Variants in RBFOX1 observed in about 807,000 individuals in gnomAD.
RBFOX1 encodes RNA binding protein fox-1 homolog 1.
A neutral mutation model predicts 57.7 loss-of-function variants in RBFOX1; 8 were observed. The observed-to-expected ratio is 0.14, with a 90% CI of 0.08 to 0.25. RBFOX1 has a LOEUF of 0.25. Ranked by LOEUF, RBFOX1 falls within the 10% of genes least tolerant of loss-of-function variation. The pLI is 1.00. For synonymous variants in RBFOX1, 326 were observed against 222.4 expected (o/e 1.47, Z -4.15); for missense variants, 611 against 548.5 (o/e 1.11, Z -1.14).
chr16:5,309,249 A>G (rs1368600781), intron 1 of RBFOX1, among the ~76,000 whole-genome samples: 1 of 152,194 alleles, frequency 6.6e-6, no homozygotes, highest in African/African-American at 2.4e-5. Flanking sequence ...CTTAGTGTTT[A>G]AAAGGTTTTT....
intron 2 of RBFOX1, among the ~76,000 whole-genome samples, chr16:5,556,631 T>G (rs2045687631): frequency 6.6e-6 from 1 of 152,228 alleles, no homozygotes; most frequent in African/African-American, 2.4e-5. Flanking sequence ...CTCTCCCTCT[T>G]GGGAGAACCA....
At chr16:7,379,472 G>C (rs537865463) in intron 4 of RBFOX1, among the ~76,000 whole-genome samples, 1 of 152,236 alleles carries the variant, frequency 6.6e-6, no homozygotes, top group East Asian at 1.9e-4. Flanking sequence ...AAGAAGAATG[G>C]CTTCTGCCAT....
At chr16:6,695,514 C>A (rs1375711510) in intron 3 of RBFOX1, among the ~76,000 whole-genome samples, 1 of 150,534 alleles carries the variant, frequency 6.6e-6, no homozygotes, top group Non-Finnish European at 1.5e-5. Flanking sequence ...AAACAAGTTT[C>A]TTTAAGATTT....
chr16:7,124,214 G>T (rs1256551255), intron 4 of RBFOX1, among the ~76,000 whole-genome samples: 3 of 152,246 alleles, frequency 2.0e-5, no homozygotes, highest in Non-Finnish European at 4.4e-5. Flanking sequence ...CAGGAGGACT[G>T]CTTGATCTCA....
At chr16:6,127,519 A>G (rs558226192) in intron 1 of RBFOX1, among the ~76,000 whole-genome samples, 53 of 152,238 alleles carry the variant, frequency 3.5e-4, no homozygotes, top group Non-Finnish European at 5.0e-4. Context: ...TGAATTCCGA[A>G]AGTGAGAATT....
intron 3 of RBFOX1, among the ~76,000 whole-genome samples, chr16:5,860,257 A>G (rs2151884835): frequency 6.6e-6 from 1 of 152,124 alleles, no homozygotes; most frequent in South Asian, 2.1e-4. Flanking sequence ...TAATTTTTGT[A>G]TTTTTAGCAG....
At chr16:6,631,879 A>G (rs62015542) in intron 2 of RBFOX1, among the ~76,000 whole-genome samples, 80,413 of 151,822 alleles carry the variant, frequency 0.53, 23,378 homozygotes, top group Middle Eastern at 0.73. Context: ...AGAAGCTGTA[A>G]GAAGGTCATT....
intron 3 of RBFOX1, among the ~76,000 whole-genome samples, chr16:6,747,392 G>A (rs536145860): frequency 1.1e-4 from 17 of 149,896 alleles, no homozygotes; most frequent in Non-Finnish European, 2.1e-4. Flanking sequence ...GGGCGACAGA[G>A]TGAGACTCAG....
At chr16:7,579,967 G>T in intron 6 of RBFOX1, 47 bp downstream of exon 6, 2 of 1,595,012 alleles carry the variant, frequency 1.3e-6, no homozygotes, top group South Asian at 1.1e-5. Context: ...GGGGGTTCCA[G>T]AGACCTCCCT....
chr16:6,652,527 C>T (rs945548913), intron 2 of RBFOX1, among the ~76,000 whole-genome samples: 2 of 151,930 alleles, frequency 1.3e-5, no homozygotes, highest in Non-Finnish European at 2.9e-5. Context: ...ATGTGAGGCA[C>T]CATGAGAAGG....
chr16:6,852,625 G>C (rs777790239), intron 3 of RBFOX1, among the ~76,000 whole-genome samples: 14 of 152,228 alleles, frequency 9.2e-5, no homozygotes, highest in Non-Finnish European at 1.9e-4. Flanking sequence ...CTGGGAACTA[G>C]CTGTCTGGGA....
intron 4 of RBFOX1, among the ~76,000 whole-genome samples, chr16:7,244,828 G>C (rs910162306): frequency 6.6e-6 from 1 of 152,150 alleles, no homozygotes; most frequent in African/African-American, 2.4e-5. Context: ...TTGTTTCCTT[G>C]TTCCCACTTC....
intron 4 of RBFOX1, among the ~76,000 whole-genome samples, chr16:7,163,420 G>A (rs1002955609): frequency 6.6e-6 from 1 of 152,078 alleles, no homozygotes; most frequent in East Asian, 1.9e-4. Flanking sequence ...GTATGAAGCG[G>A]CTGGTCTGGT....
At chr16:7,257,619 C>T (rs768708740) in intron 4 of RBFOX1, among the ~76,000 whole-genome samples, 1 of 152,178 alleles carries the variant, frequency 6.6e-6, no homozygotes, top group Non-Finnish European at 1.5e-5. Flanking sequence ...TTCCCGAGAA[C>T]TGCTCTTCCA....
At chr16:5,739,923 C>T (rs1394141715) in intron 3 of RBFOX1, among the ~76,000 whole-genome samples, 1 of 152,190 alleles carries the variant, frequency 6.6e-6, no homozygotes, top group Non-Finnish European at 1.5e-5. Flanking sequence ...TGAATGGGTG[C>T]TAACCACAGC....
chr16:5,734,918 T>C (rs1049504914), intron 3 of RBFOX1, among the ~76,000 whole-genome samples: 12 of 152,128 alleles, frequency 7.9e-5, no homozygotes, highest in Non-Finnish European at 1.3e-4. Flanking sequence ...TTAAACACTT[T>C]CTAGCACAGG....
rs370871639 is a variant in RBFOX1 at position 5,417,070 on chromosome 16, T to A, written c.220-50146T>A. 1.9e-4 allele frequency among the ~76,000 whole-genome samples: 29 copies of A among 152,348 alleles called. No individual in the cohort carries two copies. The East Asian group carries it at 5.6e-3, about 29-fold the overall frequency. ...ACAATAACAATGACCCAGTGAATCC[T>A]ACCGAAGTCTCACAGCCCTTCTTCA... On this transcript the variant is annotated intron_variant, in intron 1 of 2. Coordinates refer to the RBFOX1 transcript ENST00000585867.
intron 1 of RBFOX1, among the ~76,000 whole-genome samples, chr16:5,338,562 G>A (rs1281429119): frequency 6.6e-6 from 1 of 152,142 alleles, no homozygotes; most frequent in Non-Finnish European, 1.5e-5. Flanking sequence ...TGTTTTTTAT[G>A]ACTGAACAAT....
At chr16:5,934,207 G>T (rs142523412) in intron 4 of RBFOX1, among the ~76,000 whole-genome samples, 2 of 152,192 alleles carry the variant, frequency 1.3e-5, no homozygotes, top group Admixed American at 6.5e-5. Flanking sequence ...TTCAAATCCT[G>T]TAGGGAGAAA....
Sources: gnomAD v4.1 joint callset for allele counts (sites outside exome capture counted in the v4.1 genomes callset) on GRCh38, gnomAD v4.1.1 for gene constraint, MANE v1.5 for transcripts, NCBI Gene and HGNC (gene_info 2026-07-23, HGNC 2026-07-21) for gene names.